Variants in SUMF1 observed in about 807,000 individuals in gnomAD.
SUMF1 encodes sulfatase modifying factor 1.
In SUMF1, 48 loss-of-function variants were observed where a neutral mutation model predicts 47.6. The ratio of observed to expected loss-of-function variants is 1.01; its 90% CI spans 0.80 to 1.28. The LOEUF (loss-of-function observed/expected upper bound fraction) is 1.28, where lower values mean the gene tolerates loss of function less well. SUMF1 is among the 50% of genes most tolerant of loss of function. The probability of loss-of-function intolerance (pLI) is 0.00; values close to 1 mark genes in which losing one functional copy is unlikely to be tolerated. For missense variants in SUMF1, 571 were observed against 485.4 expected, an observed-to-expected ratio of 1.18 and a Z score of -1.66; for synonymous variants, 230 against 192.1, an observed-to-expected ratio of 1.20 and a Z score of -1.63.
chr3:4,147,257 C>A (rs1470531063), intron 8 of SUMF1, among the ~76,000 whole-genome samples: 1 of 150,884 alleles, frequency 6.6e-6, no homozygotes, highest in Non-Finnish European at 1.5e-5. Flanking sequence ...GTCAGTGTGG[C>A]GATTCCTCAG....
chr3:4,111,270 A>G (rs1340516890), intron 8 of SUMF1, among the ~76,000 whole-genome samples: 1 of 152,092 alleles, frequency 6.6e-6, no homozygotes, highest in Non-Finnish European at 1.5e-5. Flanking sequence ...TTCATTTTCA[A>G]TCCATGATTG....
chr3:4,277,510 G>C (rs964612050), intron 8 of SUMF1, among the ~76,000 whole-genome samples: 2 of 151,970 alleles, frequency 1.3e-5, no homozygotes, highest in African/African-American at 4.8e-5. Context: ...GAAGAACAGA[G>C]GGAACTGGAG....
chr3:4,095,131 A>G (rs1692874092), intron 8 of SUMF1, among the ~76,000 whole-genome samples: 1 of 152,098 alleles, frequency 6.6e-6, no homozygotes, highest in Non-Finnish European at 1.5e-5. Context: ...TCTAAATTAC[A>G]AGTCTCTTAA....
intron 8 of SUMF1, among the ~76,000 whole-genome samples, chr3:4,128,154 G>GT (rs1574907518): frequency 1.3e-5 from 2 of 152,252 alleles, no homozygotes; most frequent in East Asian, 3.9e-4. Context: ...ATTGCCCTGA[G>GT]TAAGATTCTT....
intron 8 of SUMF1, among the ~76,000 whole-genome samples, chr3:4,094,891 G>GCTAAC (rs1435257310): frequency 6.6e-6 from 1 of 152,092 alleles, no homozygotes; most frequent in East Asian, 1.9e-4. Flanking sequence ...TCCAAGCCAT[G>GCTAAC]CTAACACTTA....
intron 7 of SUMF1, among the ~76,000 whole-genome samples, chr3:4,389,328 A>C (rs1405518807): frequency 7.0e-6 from 1 of 142,084 alleles, no homozygotes; most frequent in East Asian, 1.9e-4. Context: ...TTGTCATTCA[A>C]ATTGTTTTTT....
intron 8 of SUMF1, among the ~76,000 whole-genome samples, chr3:4,241,016 C>T (rs1445362766): frequency 6.6e-6 from 1 of 151,976 alleles, no homozygotes; most frequent in African/African-American, 2.4e-5. Context: ...GCACCCAAAG[C>T]ACATTTATAT....
At chr3:4,165,858 TG>T (rs1694688928) in intron 8 of SUMF1, among the ~76,000 whole-genome samples, 3 of 62,282 alleles carry the variant, frequency 4.8e-5, no homozygotes, top group Admixed American at 2.0e-4. Context: ...TTGATTTGTT[TG>T]TTTCCCCCCC....
chr3:4,429,833 G>A (rs1346427096), intron 3 of SUMF1, among the ~76,000 whole-genome samples: 1 of 152,166 alleles, frequency 6.6e-6, no homozygotes, highest in African/African-American at 2.4e-5. Flanking sequence ...TAATTCCTCA[G>A]GCTGCCAGCC....
chr3:4,142,672 G>A (rs867981262), intron 8 of SUMF1, among the ~76,000 whole-genome samples: 2 of 151,864 alleles, frequency 1.3e-5, no homozygotes, highest in Non-Finnish European at 2.9e-5. Flanking sequence ...TGGGAATCAG[G>A]GAACCTCAAT....
chr3:4,410,897 C>G lies in SUMF1; in HGVS notation c.922G>C (p.Val308Leu). The G allele has an allele frequency of 1.2e-6, 2 of 1,614,054 alleles. No homozygotes were observed. Among genetic ancestry groups the G allele is most frequent in the Non-Finnish European group, 1.7e-6 (2 of 1,179,922 alleles). Residue 308 changes from valine to leucine, a missense_variant, in exon 7 of 9, where the codon GTT becomes CTT. Physicochemically the swap from Val to Leu is conservative, Grantham distance 32. Transcript: ENST00000272902. Reference protein sequence around the residue: ...AWEWTSDWWTVHHSVEETLNP... With the variant: ...AWEWTSDWWTLHHSVEETLNP... The stretch of plus-strand genomic sequence containing the variant: ...AGCGTTTCTTCAACAGAATGATGAA[C>G]AGTCCACCAGTCTGAAGTCCATTCC...
chr3:4,431,082 A>G (rs551487827), intron 3 of SUMF1, among the ~76,000 whole-genome samples: 1 of 152,344 alleles, frequency 6.6e-6, no homozygotes, highest in Non-Finnish European at 1.5e-5. Context: ...GATGAATACC[A>G]TTCCCTATTT....
chr3:4,215,921 C>T (rs1695912872), intron 8 of SUMF1, among the ~76,000 whole-genome samples: 1 of 152,142 alleles, frequency 6.6e-6, no homozygotes, highest in Admixed American at 6.5e-5. Flanking sequence ...ACATTCCATG[C>T]TCATGGATAG....
chr3:4,079,089 C>A (rs1255692802), intron 8 of SUMF1, among the ~76,000 whole-genome samples: 3 of 152,096 alleles, frequency 2.0e-5, no homozygotes, highest in African/African-American at 7.2e-5. Flanking sequence ...AGTCGCCTCA[C>A]AGTCCCTGAT....
intron 8 of SUMF1, among the ~76,000 whole-genome samples, chr3:4,122,327 A>G (rs532939613): frequency 1.4e-4 from 22 of 152,332 alleles, no homozygotes; most frequent in Admixed American, 3.9e-4. Context: ...TTTCATTTCT[A>G]TGAAATATTC....
rs550700717 is a variant in SUMF1, at chr3:4,062,920, G to A, written c.1191+5649C>T. Among the ~76,000 whole-genome samples the A allele has an allele frequency of 1.5e-3, 223 of 152,146 alleles. 1 individual carries two copies. The highest frequency in any genetic ancestry group is 5.0e-3 in the African/African-American group (209 of 41,508). On this transcript the variant is annotated intron_variant and NMD_transcript_variant, in intron 9 of 12. Coordinates refer to the SUMF1 transcript ENST00000448413. Reference sequence around the variant, plus strand: ...AAATAAGGAGTTTTGTCTCTGGATGGCCTGCTTGATGGCCACCAGGTGATC... The same window carrying A: ...AAATAAGGAGTTTTGTCTCTGGATGACCTGCTTGATGGCCACCAGGTGATC...
At chr3:4,118,452 G>A (rs1398155532) in intron 8 of SUMF1, among the ~76,000 whole-genome samples, 3 of 152,028 alleles carry the variant, frequency 2.0e-5, no homozygotes, top group African/African-American at 7.3e-5. Flanking sequence ...AATCCAGGAA[G>A]TCTAACATTA....
intron 8 of SUMF1, among the ~76,000 whole-genome samples, chr3:4,204,059 C>T (rs1260053633): frequency 2.0e-5 from 3 of 151,990 alleles, no homozygotes; most frequent in Admixed American, 1.3e-4. Flanking sequence ...TATCTGTATA[C>T]TTACTATTAT....
At chr3:4,120,736 G>T (rs986671780) in intron 8 of SUMF1, among the ~76,000 whole-genome samples, 7 of 152,076 alleles carry the variant, frequency 4.6e-5, no homozygotes, top group Admixed American at 6.5e-5. Flanking sequence ...GGGCTGGCTG[G>T]ACTGCTGGTT....
Sources: allele counts gnomAD v4.1 joint callset (sites outside exome capture counted in the v4.1 genomes callset), GRCh38; gene constraint gnomAD v4.1.1; transcripts MANE v1.5; gene names NCBI Gene and HGNC (gene_info 2026-07-23, HGNC 2026-07-21).